Variants in PXDC1 observed in about 807,000 individuals in gnomAD.
PXDC1 encodes the protein PX domain containing 1, also known as PX domain-containing protein 1.
PXDC1 carries 13 observed loss-of-function variants against 24.4 expected under a neutral mutation model. The observed-to-expected ratio is 0.53, with a 90% CI of 0.35 to 0.85. The LOEUF (loss-of-function observed/expected upper bound fraction) is 0.85. Among genes scored for constraint, PXDC1 ranks in the 40% least tolerant of loss-of-function variants. The pLI is 0.01. For missense variants in PXDC1, 344 were observed against 309.3 expected (o/e 1.11, Z -0.84); for synonymous variants, 162 against 124.9 (o/e 1.30, Z -1.98).
In PXDC1 at chr6:3,724,028, G is replaced by A. The variant is rs1276577099; in HGVS notation, c.579-292C>T. Among the ~76,000 whole-genome samples, 5 of 152,192 alleles carry A rather than the reference G, an allele frequency of 3.3e-5. No individual in the cohort carries two copies. The highest frequency in any genetic ancestry group is 5.9e-5 in the Non-Finnish European group (4 of 68,026). The stretch of plus-strand genomic sequence containing the variant: ...CCTCTTGTTCTGTGCCCAGCACCGC[G>A]TCAGGCTGTGGGATCAGCAGTGAAC... On this transcript the variant is annotated intron_variant, in intron 4 of 4. Transcript: ENST00000380283. This position sits in a 1 kb window ranked among gnomAD's most constrained non-coding sequence, Gnocchi z 4.5.
chr6:3,738,115 T>G lies in PXDC1; in HGVS notation c.290A>C (p.Glu97Ala). ...CTTCTCCACCTCATTAAGCCTGGTC[T>G]CTATGTCGTGGGCTTCCTTTATGGC... ...LVAIKEAHDI[E>A]TRLNEVEKLL... The change falls in exon 2 of 5, where the codon GAG becomes GCG. Residue 97 changes from glutamate to alanine, a missense_variant. Coordinates refer to ENST00000380283, the MANE Select transcript of PXDC1 (RefSeq NM_183373.4). 1 of 1,614,164 alleles carries G rather than the reference T, an allele frequency of 6.2e-7. No individual in the cohort carries two copies. The highest frequency in any genetic ancestry group is 8.5e-7 in the Non-Finnish European group (1 of 1,180,022).
chr6:3,734,165 G>A (rs180749280), intron 3 of PXDC1, among the ~76,000 whole-genome samples: 74 of 152,276 alleles, frequency 4.9e-4, no homozygotes, highest in Admixed American at 1.3e-3. Flanking sequence ...GTTAAATTTC[G>A]TCTCACTATG....
chr6:3,726,795 C>A (rs964975608), intron 4 of PXDC1, among the ~76,000 whole-genome samples: 11 of 152,254 alleles, frequency 7.2e-5, no homozygotes, highest in Admixed American at 5.9e-4. Context: ...CCAGAGCTGC[C>A]TCTGTGGGAC....
rs547638050 is a variant in PXDC1 at position 3,741,531 on chromosome 6, G to T, written c.257-3383C>A. On this transcript the variant is annotated intron_variant, in intron 1 of 4. Coordinates refer to ENST00000380283, the MANE Select transcript of PXDC1 (RefSeq NM_183373.4). The stretch of plus-strand genomic sequence containing the variant: ...GGATCAGCTTTCTCAGGACACTGTG[G>T]TCCTTTCTCCACGGAGACAGTTCAC... Among the ~76,000 whole-genome samples, 5 of 152,330 alleles carry T rather than the reference G, an allele frequency of 3.3e-5. No individual in the cohort carries two copies. In the South Asian group the frequency reaches 8.3e-4, roughly 25 times the overall value.
rs781191706 is a variant in PXDC1, at chr6:3,723,675, C to T, written c.640G>A (p.Val214Ile). ...LEDGDDPAAY[V>I]TNLSYYHLVP... is the part of the protein sequence containing the mutation. ...AGGTGGTAATATGACAGGTTGGTGA[C>T]GTAGGCTGCTGGGTCGTCCCCGTCC... The change falls in exon 5 of 5, where the codon GTC (valine) becomes ATC (isoleucine). Residue 214 changes from valine to isoleucine, a missense_variant. Transcript: ENST00000380283. 21 of 1,614,060 alleles carry T rather than the reference C, an allele frequency of 1.3e-5. No homozygotes were observed. The highest frequency in any genetic ancestry group is 6.7e-5 in the Admixed American group (4 of 60,000).
chr6:3,731,979 G>T (rs1381987691), intron 3 of PXDC1, among the ~76,000 whole-genome samples: 1 of 152,220 alleles, frequency 6.6e-6, no homozygotes, highest in Non-Finnish European at 1.5e-5. Flanking sequence ...TGTTTCCACA[G>T]CGAAGTTACC....
At chr6:3,744,357 T>C (rs1390758496) in intron 1 of PXDC1, among the ~76,000 whole-genome samples, 1 of 152,156 alleles carries the variant, frequency 6.6e-6, no homozygotes, top group Non-Finnish European at 1.5e-5. Context: ...TGGCACGTCA[T>C]GCTAGCCAGG....
At chr6:3,730,589 T>A (rs1760173447) in intron 3 of PXDC1, among the ~76,000 whole-genome samples, 1 of 151,910 alleles carries the variant, frequency 6.6e-6, no homozygotes, top group South Asian at 2.1e-4. Flanking sequence ...TTTAAGGAGA[T>A]CTTCTTGCTA....
chr6:3,731,555 A>C (rs1199405468), intron 3 of PXDC1, among the ~76,000 whole-genome samples: 1 of 152,222 alleles, frequency 6.6e-6, no homozygotes, highest in Admixed American at 6.5e-5. Flanking sequence ...TCTTCCATGG[A>C]AACTGACATT....
chr6:3,729,170 A>G (rs1208263947), intron 3 of PXDC1, among the ~76,000 whole-genome samples: 2 of 151,968 alleles, frequency 1.3e-5, no homozygotes, highest in African/African-American at 4.8e-5. Context: ...CCTTACCACA[A>G]TTTAGCCTGG....
In PXDC1 at chr6:3,728,609, T is replaced by C. The variant is rs953719122; in HGVS notation, c.467-947A>G. ...TGGCTGGAGGGGCTGGAATGGAGGA[T>C]GAGGAGCCAGGACAACGAGCTCCAT... On this transcript the variant is annotated intron_variant, in intron 3 of 4. Coordinates refer to ENST00000380283, the MANE Select transcript of PXDC1 (RefSeq NM_183373.4). The surrounding 1 kb of genome is among the most constrained non-coding windows in gnomAD (Gnocchi z 4.0). Among the ~76,000 whole-genome samples the C allele has an allele frequency of 2.0e-5, 3 of 152,164 alleles. No individual in the cohort carries two copies. Among genetic ancestry groups the C allele is most frequent in the Non-Finnish European group, 2.9e-5 (2 of 68,024 alleles).
intron 1 of PXDC1, among the ~76,000 whole-genome samples, chr6:3,746,744 T>G (rs1473911750): frequency 6.6e-6 from 1 of 152,184 alleles, no homozygotes; most frequent in African/African-American, 2.4e-5. Flanking sequence ...TCCGTGGCTT[T>G]GCAGTTGGCC....
chr6:3,735,528 A>G (rs1176107267), intron 3 of PXDC1, among the ~76,000 whole-genome samples: 3 of 152,234 alleles, frequency 2.0e-5, no homozygotes, highest in Admixed American at 6.5e-5. Context: ...AAATGTCACA[A>G]GATCTCACCC....
chr6:3,742,592 G>C (rs887354095), intron 1 of PXDC1, among the ~76,000 whole-genome samples: 7 of 152,170 alleles, frequency 4.6e-5, no homozygotes, highest in Non-Finnish European at 8.8e-5. Flanking sequence ...TGCGGAAAAA[G>C]CAGGATGGCG....
chr6:3,737,210 C>A lies in PXDC1; in HGVS notation c.349-14G>T, dbSNP rs370846823. ...CGATCTAGAATACTGGGGAGAAATGCAGGGATTACTAAAAACGATCAGCCT... is the reference window on the plus strand; with the variant it reads ...CGATCTAGAATACTGGGGAGAAATGAAGGGATTACTAAAAACGATCAGCCT... On this transcript the variant is annotated splice_polypyrimidine_tract_variant and intron_variant, in intron 2 of 4. Transcript: ENST00000380283. The surrounding 1 kb of genome is among the most constrained non-coding windows in gnomAD (Gnocchi z 5.5). The A allele has an allele frequency of 3.5e-5, 55 of 1,552,684 alleles. No homozygotes were observed. In the Admixed American group the frequency reaches 7.3e-4, roughly 21 times the overall value.
rs190253222 is a variant in PXDC1 at position 3,740,380 on chromosome 6, T to C, written c.257-2232A>G. Among the ~76,000 whole-genome samples, 4 of 152,314 alleles carry C rather than the reference T, an allele frequency of 2.6e-5. No individual in the cohort carries two copies. The East Asian group carries it at 7.7e-4, about 29-fold the overall frequency. ...ATAAGACACGTGATGCCTAATTAAA[T>C]ACGAATTTCAGATAAACAATGGATA... On this transcript the variant is annotated intron_variant, in intron 1 of 4. Coordinates refer to ENST00000380283, the MANE Select transcript of PXDC1 (RefSeq NM_183373.4).
At position 3,727,551 on chromosome 6, in the gene PXDC1, A is replaced by C. The variant is rs1316813115; in HGVS notation, c.578T>G (p.Leu193Ter). The C allele has an allele frequency of 6.3e-7, 1 of 1,585,320 alleles. No individual in the cohort carries two copies. The highest frequency in any genetic ancestry group is 8.7e-7 in the Non-Finnish European group (1 of 1,153,968). The change falls in exon 4 of 5, where the codon TTA (leucine) becomes TGA (stop). Residue 193 changes from leucine (L) to a stop codon, truncating the protein, a stop_gained and splice_region_variant. Transcript: ENST00000380283. LOFTEE classifies it high-confidence loss of function. ...QQLGVDPTEH[L>*]FENGSEFPSE... ...ACGATATTCAAATCAGCATACTTACAAATGCTCTGTTGGGTCCACGCCCAG... is the reference window on the plus strand; with the variant it reads ...ACGATATTCAAATCAGCATACTTACCAATGCTCTGTTGGGTCCACGCCCAG...
intron 1 of PXDC1, among the ~76,000 whole-genome samples, chr6:3,750,164 G>A (rs1178474108): frequency 2.6e-5 from 4 of 152,224 alleles, no homozygotes; most frequent in Admixed American, 2.6e-4. Flanking sequence ...TTCTCACACT[G>A]GGGTTGGGGC....
At chr6:3,741,910 A>T (rs925334541) in intron 1 of PXDC1, among the ~76,000 whole-genome samples, 2 of 143,378 alleles carry the variant, frequency 1.4e-5, no homozygotes, top group Non-Finnish European at 3.2e-5. Context: ...GTGGAAGGAA[A>T]ACACTTTTTA....
Sources: allele counts gnomAD v4.1 joint callset (sites outside exome capture counted in the v4.1 genomes callset), GRCh38; gene constraint gnomAD v4.1.1; non-coding constraint Gnocchi (gnomAD v3.1); transcripts MANE v1.5; gene names NCBI Gene and HGNC (gene_info 2026-07-23, HGNC 2026-07-21).